RAD54L: variants seen among roughly 807,000 people sequenced by gnomAD.
RAD54L encodes DNA repair and recombination protein RAD54-like.
In RAD54L, 74 loss-of-function variants were observed where a neutral mutation model predicts 91.6. That is an observed-to-expected ratio of 0.81 (90% CI 0.67 to 0.98). The LOEUF is 0.98. Among genes scored for constraint, RAD54L ranks in the 50% least tolerant of loss-of-function variants. The probability of loss-of-function intolerance (pLI) is 0.00; values close to 1 mark genes in which losing one functional copy is unlikely to be tolerated. For missense variants in RAD54L, 887 were observed against 945.7 expected, an observed-to-expected ratio of 0.94 and a Z score of 0.81; for synonymous variants, 304 against 349.7, an observed-to-expected ratio of 0.87 and a Z score of 1.46.
chr1:46,274,745 G>C (rs1226531335), intron 16 of RAD54L, 28 bp downstream of exon 16: 1 of 1,613,662 alleles, frequency 6.2e-7, no homozygotes, highest in South Asian at 1.1e-5. Flanking sequence ...AGTCATAGTA[G>C]GGGTGGGTCA....
chr1:46,278,001 T>C, intron 17 of RAD54L, 21 bp downstream of exon 17: 1 of 1,614,176 alleles, frequency 6.2e-7, no homozygotes, highest in Non-Finnish European at 8.5e-7. Flanking sequence ...GCCCTAACCA[T>C]TATCTCTAAG....
In RAD54L at chr1:46,277,898, G is replaced by A; in HGVS notation, c.1951G>A (p.Asp651Asn). Residue 651 changes from aspartate (D) to asparagine (N), a missense_variant, in exon 17 of 18, where the codon GAT becomes AAT. Coordinates refer to ENST00000371975, the MANE Select transcript of RAD54L (RefSeq NM_003579.4). ...LSSCVVDEEQ[D>N]VERHFSLGEL... ...CAGCTGTGTGGTGGATGAGGAGCAG[G>A]ATGTAGAGCGCCACTTCTCTCTGGG... 1 of 1,614,128 alleles carries A rather than the reference G, an allele frequency of 6.2e-7. No homozygotes were observed. Among genetic ancestry groups the A allele is most frequent in the East Asian group, 2.2e-5 (1 of 44,886 alleles).
chr1:46,277,745 T>A lies in RAD54L; in HGVS notation c.1870-72T>A, dbSNP rs1481310131. The A allele has an allele frequency of 2.6e-6, 4 of 1,515,534 alleles. No individual in the cohort carries two copies. In the African/African-American group the frequency reaches 5.5e-5, roughly 21 times the overall value. The allele number at this position is 1,515,534 out of a possible 1,614,324, so 93.9% of individuals were successfully genotyped here. A position where few individuals can be genotyped will look rare whatever the true frequency, so the allele number is the denominator to read the frequency against. On this transcript the variant is annotated intron_variant, in intron 16 of 17. Transcript: ENST00000371975. ...GGTAGCTGTAGTTTCAACCCTTTGG[T>A]TTTCCTGCTCCCTTTTTATGAGGAT...
chr1:46,270,717 T>C lies in RAD54L; in HGVS notation c.1101T>C (p.Ala367=), dbSNP rs1189938053. 2.5e-5 allele frequency: 40 copies of C among 1,614,136 alleles called. No individual in the cohort carries two copies. The highest frequency in any genetic ancestry group is 8.3e-5 in the Admixed American group (5 of 60,012). ...TGCCAATTTTGAAGGGTCGAGACGCTGCTGCTAGTGAGGCAGACAGGCAGC... is the reference window on the plus strand; with the variant it reads ...TGCCAATTTTGAAGGGTCGAGACGCCGCTGCTAGTGAGGCAGACAGGCAGC... ...FELPILKGRD[A]AASEADRQLG... The change falls in exon 10 of 18, where the codon GCT becomes GCC. Residue 367 remains alanine, a synonymous_variant. Coordinates refer to ENST00000371975, the MANE Select transcript of RAD54L (RefSeq NM_003579.4).
intron 8 of RAD54L, 49 bp from the exon 9 acceptor site, chr1:46,267,410 A>T (rs1017333291): frequency 6.2e-7 from 1 of 1,611,658 alleles, no homozygotes; most frequent in South Asian, 1.1e-5. Flanking sequence ...AGACTTTGCT[A>T]CCGTATAGGG....
rs562737143 is a variant in RAD54L, at chr1:46,254,133, C to A, written c.210+4014C>A. On this transcript the variant is annotated intron_variant, in intron 3 of 17. Transcript: ENST00000371975. ...GGGATTACAGGCACCCGCCACCATA[C>A]CTGGCACATTTTTGTGTTTTTAGTA... Among the ~76,000 whole-genome samples, 13 of 152,068 alleles carry A rather than the reference C, an allele frequency of 8.5e-5. No homozygotes were observed. The South Asian group carries it at 2.7e-3, about 32-fold the overall frequency.
rs764303863 is a variant in RAD54L, at chr1:46,250,022, G to C, written c.113G>C (p.Ser38Thr). 8.1e-6 allele frequency: 13 copies of C among 1,613,982 alleles called. No individual in the cohort carries two copies. In the East Asian group the frequency reaches 2.7e-4, roughly 33 times the overall value. The change falls in exon 3 of 18, where the codon AGC becomes ACC. Residue 38 changes from serine to threonine, a missense_variant. Ser to Thr is a moderately conservative substitution (Grantham distance 58). Transcript: ENST00000371975. ...TAGACTCCTAGGAAACGGAAATCCA[G>C]CAGTGAGACCCAGATCCAGGAGTGT... ...GLVTPRKRKS[S>T]SETQIQECFL...
chr1:46,270,518 T>TA (rs1660391898), intron 9 of RAD54L, 141 bp from the exon 10 acceptor site: 25 of 1,120,706 alleles, frequency 2.2e-5, no homozygotes, highest in Non-Finnish European at 3.2e-5. Context: ...TCTGATCTGT[T>TA]AAACAGAAAT....
intron 9 of RAD54L, among the ~76,000 whole-genome samples, chr1:46,268,283 A>T (rs1047377319): frequency 1.3e-5 from 2 of 152,060 alleles, no homozygotes; most frequent in South Asian, 4.1e-4. Context: ...ATGCCACTGC[A>T]CTCTAGCCTG....
Position 46,274,181 on chromosome 1 carries a change from C to A in RAD54L, c.1654C>A (p.Arg552=), listed in dbSNP as rs1312637312. Residue 552 remains arginine (R), a synonymous_variant, in exon 15 of 18, where the codon CGA becomes AGA. Transcript: ENST00000371975. ...RLDGTMSIKK[R]AKVVERFNSP... ...GGATGGCACGATGTCCATTAAGAAG[C>A]GAGCCAAGGTTGTAGAACGCTTCAA... The A allele has an allele frequency of 1.9e-6, 3 of 1,613,816 alleles. No homozygotes were observed. Among genetic ancestry groups the A allele is most frequent in the African/African-American group, 2.7e-5 (2 of 74,886 alleles).
intron 11 of RAD54L, 58 bp downstream of exon 11, chr1:46,272,598 C>A: frequency 1.2e-6 from 2 of 1,611,924 alleles, no homozygotes; most frequent in Non-Finnish European, 1.7e-6. Context: ...TGAAGCATGG[C>A]TGGGCTCTCA....
At position 46,260,573 on chromosome 1, in the gene RAD54L, C is replaced by T. The variant is rs1337235781; in HGVS notation, c.439C>T (p.Pro147Ser). The T allele has an allele frequency of 6.2e-7, 1 of 1,614,012 alleles. No individual in the cohort carries two copies. The highest frequency in any genetic ancestry group is 8.5e-7 in the Non-Finnish European group (1 of 1,180,002). The change falls in exon 6 of 18, where the codon CCT becomes TCT. Residue 147 changes from proline to serine, a missense_variant. Coordinates refer to ENST00000371975, the MANE Select transcript of RAD54L (RefSeq NM_003579.4). The stretch of plus-strand genomic sequence containing the variant: ...ACTCCCTGTCCATGTGGTTGTTGAC[C>T]CTATTCTCAGTAAGGTTTTGCGGCC... ...EKLPVHVVVD[P>S]ILSKVLRPHQ...
rs752660420 is a variant in RAD54L, at chr1:46,267,533, C to T, written c.966C>T (p.Leu322=). 3.7e-6 allele frequency: 6 copies of T among 1,613,992 alleles called. No homozygotes were observed. The East Asian group carries it at 8.9e-5, about 24-fold the overall frequency. The part of the protein sequence containing the change: ...LDSLNTSRRV[L]ISGTPIQNDL... ...GCTTGAACACCAGCCGGCGGGTGCT[C>T]ATCTCCGGAACTCCCATCCAGAATG... Residue 322 remains leucine (L), a synonymous_variant, in exon 9 of 18, where the codon CTC becomes CTT. Coordinates refer to ENST00000371975, the MANE Select transcript of RAD54L (RefSeq NM_003579.4).
intron 5 of RAD54L, 88 bp downstream of exon 5, chr1:46,260,187 CT>C: frequency 6.4e-7 from 1 of 1,569,760 alleles, no homozygotes. Context: ...GGTGTGATTT[CT>C]TTTTAGGATT....
intron 10 of RAD54L, 51 bp downstream of exon 10, chr1:46,270,836 C>G (rs568027249): frequency 1.2e-6 from 2 of 1,608,502 alleles, no homozygotes; most frequent in Admixed American, 3.3e-5. Context: ...CCATCCATGG[C>G]CAATCCTTTG....
At chr1:46,277,793 C>T (rs1358331029) in intron 16 of RAD54L, 24 bp from the exon 17 acceptor site, 1 of 1,588,328 alleles carries the variant, frequency 6.3e-7, no homozygotes, top group Non-Finnish European at 8.6e-7. Flanking sequence ...TATCTTTTGA[C>T]ATTCCCCACC....
intron 8 of RAD54L, among the ~76,000 whole-genome samples, chr1:46,266,243 A>G (rs747282654): frequency 6.6e-6 from 1 of 152,254 alleles, no homozygotes; most frequent in Non-Finnish European, 1.5e-5. Context: ...AGAGAAGTTC[A>G]CTGGGGCCTC....
At chr1:46,258,828 C>A in intron 4 of RAD54L, 82 bp downstream of exon 4, 1 of 1,158,566 alleles carries the variant, frequency 8.6e-7, no homozygotes, top group South Asian at 1.3e-5. Flanking sequence ...TTTGTAAATA[C>A]AAGCTTAGCT....
Position 46,267,493 on chromosome 1 carries a change from A to T in RAD54L, c.926A>T (p.Tyr309Phe). The change falls in exon 9 of 18, where the codon TAC (tyrosine) becomes TTC (phenylalanine). Residue 309 changes from tyrosine to phenylalanine, a missense_variant. By Grantham distance (22) the Tyr-to-Phe change is conservative (BLOSUM62 3). Coordinates refer to ENST00000371975, the MANE Select transcript of RAD54L (RefSeq NM_003579.4). ...CTCAAGAACTCTGAGAATCAGACTT[A>T]CCAAGCCCTGGACAGCTTGAACACC... ...HRLKNSENQT[Y>F]QALDSLNTSR... 1 of 1,614,162 alleles carries T rather than the reference A, an allele frequency of 6.2e-7. No homozygotes were observed. Among genetic ancestry groups the T allele is most frequent in the Non-Finnish European group, 8.5e-7 (1 of 1,180,034 alleles).
Sources: allele counts gnomAD v4.1 joint callset (sites outside exome capture counted in the v4.1 genomes callset), GRCh38; gene constraint gnomAD v4.1.1; transcripts MANE v1.5; gene names NCBI Gene and HGNC (gene_info 2026-07-23, HGNC 2026-07-21).